Variants in CERT1 observed in about 807,000 individuals in gnomAD.
The protein encoded by CERT1 is ceramide transfer protein.
In CERT1, 31 loss-of-function variants were observed where a neutral mutation model predicts 87.9. The observed-to-expected ratio is 0.35, with a 90% CI of 0.27 to 0.48. The LOEUF (loss-of-function observed/expected upper bound fraction) is 0.48. Ranked by LOEUF, CERT1 falls within the 20% of genes least tolerant of loss-of-function variation. The pLI, the probability that CERT1 is intolerant of heterozygous loss-of-function variation, is 0.99. For missense variants in CERT1, 487 were observed against 758.0 expected (o/e 0.64, Z 4.20); for synonymous variants, 289 against 250.9 (o/e 1.15, Z -1.44).
At chr5:75,393,604 A>AAC in intron 11 of CERT1, among the ~76,000 whole-genome samples, 1 of 125,678 alleles carries the variant, frequency 8.0e-6, no homozygotes, top group Non-Finnish European at 1.6e-5. Context: ...CATCTACTTA[A>AAC]AAAAAAAAAA....
chr5:75,460,397 T>C (rs190839983), intron 2 of CERT1, among the ~76,000 whole-genome samples: 65 of 152,306 alleles, frequency 4.3e-4, no homozygotes, highest in Non-Finnish European at 2.4e-4. Flanking sequence ...AAGATCTACA[T>C]GAGCTATCTA....
chr5:75,511,706 C>T, upstream of CERT1: 1 of 1,544,268 alleles, frequency 6.5e-7, no homozygotes, highest in African/African-American at 1.4e-5. Flanking sequence ...CGTCCCCCTC[C>T]CGGCGTCTGA....
At chr5:75,491,176 C>T (rs1191835820) in intron 2 of CERT1, among the ~76,000 whole-genome samples, 1 of 152,100 alleles carries the variant, frequency 6.6e-6, no homozygotes, top group Admixed American at 6.5e-5. Context: ...TTTTCAATAT[C>T]CTTCGTTTAA....
intron 17 of CERT1, chr5:75,370,398 T>C: frequency 6.6e-6 from 1 of 152,302 alleles, no homozygotes; most frequent in East Asian, 1.9e-4. Flanking sequence ...TGAGATTATT[T>C]ATTTATGATT....
At chr5:75,456,932 T>C (rs1221381365) in intron 3 of CERT1, among the ~76,000 whole-genome samples, 3 of 152,108 alleles carry the variant, frequency 2.0e-5, no homozygotes, top group Non-Finnish European at 2.9e-5. Flanking sequence ...GGAACTGTCA[T>C]TGGACTTAAC....
chr5:75,459,339 A>G (rs1765131057), intron 2 of CERT1, among the ~76,000 whole-genome samples, 158 bp from the exon 3 acceptor site: 1 of 152,240 alleles, frequency 6.6e-6, no homozygotes, highest in Admixed American at 6.5e-5. Context: ...ATAAGAATGT[A>G]CAAAGGCACA....
At chr5:75,399,251 A>G (rs1380257096) in intron 11 of CERT1, 59 bp downstream of exon 11, 5 of 1,278,900 alleles carry the variant, frequency 3.9e-6, no homozygotes, top group Non-Finnish European at 4.6e-6. Flanking sequence ...GGAACTGGGA[A>G]AGCAGGCTGA....
intron 3 of CERT1, among the ~76,000 whole-genome samples, chr5:75,448,514 T>G (rs1024745058): frequency 1.3e-5 from 2 of 152,230 alleles, no homozygotes; most frequent in Admixed American, 6.5e-5. Context: ...AGTACAATAC[T>G]TTTAAGTGAT....
At chr5:75,404,145 G>A (rs562830876) in intron 8 of CERT1, among the ~76,000 whole-genome samples, 5 of 151,904 alleles carry the variant, frequency 3.3e-5, no homozygotes, top group African/African-American at 9.7e-5. Flanking sequence ...TAGCAACATC[G>A]TCCTATCCCC....
intron 2 of CERT1, chr5:75,505,284 CAAAAA>C (rs1767599759): frequency 2.0e-5 from 3 of 151,504 alleles, no homozygotes; most frequent in East Asian, 1.9e-4. Context: ...AAGACTGTCT[CAAAAA>C]CAAAACAAAA....
Position 75,485,280 on chromosome 5 carries a change from C to T in CERT1, c.231+20702G>A, listed in dbSNP as rs535637123. 2.1e-3 allele frequency among the ~76,000 whole-genome samples: 115 copies of T among 53,874 alleles called. 1 individual carries two copies. In the South Asian group the frequency reaches 0.027, roughly 13 times the overall value. 35.3% of individuals were successfully genotyped at this position (53,874 alleles called of 152,430 possible). On this transcript the variant is annotated intron_variant, in intron 2 of 16. Transcript: ENST00000643780. ...GGCAAGAGTTCAAGATGAGCCTGAGCAATAAACCAAGACACTGTCTACACA... is the reference window on the plus strand; with the variant it reads ...GGCAAGAGTTCAAGATGAGCCTGAGTAATAAACCAAGACACTGTCTACACA...
At chr5:75,504,638 CTT>C (rs1176774279) in intron 2 of CERT1, among the ~76,000 whole-genome samples, 1 of 151,990 alleles carries the variant, frequency 6.6e-6, no homozygotes, top group East Asian at 1.9e-4. Context: ...TGTGACTTCT[CTT>C]TGAGTGAGTT....
chr5:75,463,811 G>A (rs1476816153), intron 2 of CERT1, among the ~76,000 whole-genome samples: 1 of 152,182 alleles, frequency 6.6e-6, no homozygotes, highest in African/African-American at 2.4e-5. Flanking sequence ...TATAGAGGAG[G>A]GAAGAAATAT....
chr5:75,510,597 A>G (rs1350073446), intron 1 of CERT1, among the ~76,000 whole-genome samples: 1 of 152,118 alleles, frequency 6.6e-6, no homozygotes, highest in Non-Finnish European at 1.5e-5. Context: ...AGTCCTCCAC[A>G]TTCATCTGTC....
At chr5:75,468,607 T>A in intron 2 of CERT1, among the ~76,000 whole-genome samples, 1 of 152,252 alleles carries the variant, frequency 6.6e-6, no homozygotes, top group Non-Finnish European at 1.5e-5. Context: ...GCCTTAGGTT[T>A]CAGTCAAACC....
intron 3 of CERT1, among the ~76,000 whole-genome samples, chr5:75,437,414 G>C (rs553392485): frequency 1.3e-5 from 2 of 152,220 alleles, no homozygotes; most frequent in African/African-American, 4.8e-5. Context: ...GTACTTCTAA[G>C]TCTAATAAAA....
At chr5:75,390,761 T>C (rs1580704711) in intron 11 of CERT1, among the ~76,000 whole-genome samples, 1 of 152,184 alleles carries the variant, frequency 6.6e-6, no homozygotes, top group South Asian at 2.1e-4. Flanking sequence ...ATTAGGAATA[T>C]AGAACAGGAA....
Position 75,427,008 on chromosome 5 carries a change from T to C in CERT1, c.349-530A>G, listed in dbSNP as rs552193896. Among the ~76,000 whole-genome samples, 30 of 152,344 alleles carry C rather than the reference T, an allele frequency of 2.0e-4. 2 individuals carry two copies. In the South Asian group the frequency reaches 5.6e-3, roughly 28 times the overall value. ...ATTCACAATAGTTTGTGTTTTGTTA[T>C]TACTACTGGACTTGGATCTTTCTGG... On this transcript the variant is annotated intron_variant, in intron 3 of 16. Coordinates refer to ENST00000643780, the MANE Select transcript of CERT1 (RefSeq NM_001379029.1).
At chr5:75,511,834 C>G (rs1561319621), upstream of CERT1, 1 of 1,550,482 alleles carries the variant, frequency 6.4e-7, no homozygotes, top group South Asian at 1.2e-5. Flanking sequence ...AGGGATGCAG[C>G]TGTGCTGCAT....
Sources: allele counts gnomAD v4.1 joint callset (sites outside exome capture counted in the v4.1 genomes callset), GRCh38; gene constraint gnomAD v4.1.1; transcripts MANE v1.5; gene names NCBI Gene and HGNC (gene_info 2026-07-23, HGNC 2026-07-21).